The following WLS variants were observed in gnomAD, a reference collection of about 807,000 sequenced individuals.
WLS encodes the protein protein wntless homolog.
WLS carries 23 observed loss-of-function variants against 62.8 expected under a neutral mutation model. That is an observed-to-expected ratio of 0.37 (90% confidence interval 0.26 to 0.52). The LOEUF (loss-of-function observed/expected upper bound fraction) is 0.52. Ranked by LOEUF, WLS falls within the 20% of genes least tolerant of loss-of-function variation. The pLI is 0.92. For synonymous variants in WLS, 246 were observed against 244.1 expected, an observed-to-expected ratio of 1.01 and a Z score of -0.07; for missense variants, 615 against 697.3, an observed-to-expected ratio of 0.88 and a Z score of 1.33.
Position 68,148,177 on chromosome 1 carries a change from A to G in WLS, c.1093T>C (p.Phe365Leu). Reference sequence around the variant, plus strand: ...ATGTCTGTAGTCCAGATACTGTAGAAGGGATTCGTGAGTTGTACCCCTCTA... The same window carrying G: ...ATGTCTGTAGTCCAGATACTGTAGAGGGGATTCGTGAGTTGTACCCCTCTA... Reference protein sequence around the residue: ...CERGVQLTNPFYSIWTTDIGT... With the variant: ...CERGVQLTNPLYSIWTTDIGT... The change falls in exon 8 of 12, where the codon TTC becomes CTC. Residue 365 changes from phenylalanine (F) to leucine (L), a missense_variant. By Grantham distance (22) the Phe-to-Leu change is conservative. Coordinates refer to ENST00000262348, the MANE Select transcript of WLS (RefSeq NM_024911.7). The G allele has an allele frequency of 6.2e-7, 1 of 1,614,202 alleles. No individual in the cohort carries two copies. The highest frequency in any genetic ancestry group is 8.5e-7 in the Non-Finnish European group (1 of 1,180,030).
intron 2 of WLS, among the ~76,000 whole-genome samples, chr1:68,191,361 T>C (rs1395717708): frequency 6.6e-6 from 1 of 152,136 alleles, no homozygotes; most frequent in Non-Finnish European, 1.5e-5. Flanking sequence ...TCTCCTTTGC[T>C]TGAATGCATT....
At chr1:68,109,198 TAGAG>T (rs3053517) in intron 11 of WLS, among the ~76,000 whole-genome samples, 68,430 of 151,700 alleles carry the variant, frequency 0.45, 15,675 homozygotes, top group Middle Eastern at 0.52. Flanking sequence ...GCTAACAAGA[TAGAG>T]AGATTAAGCC....
intron 1 of WLS, among the ~76,000 whole-genome samples, chr1:68,217,589 G>T (rs1025352004): frequency 6.6e-6 from 1 of 152,196 alleles, no homozygotes; most frequent in Non-Finnish European, 1.5e-5. Flanking sequence ...ACTGACTGAA[G>T]AATTCTGCAG....
At chr1:68,165,811 G>T (rs555114207) in intron 2 of WLS, among the ~76,000 whole-genome samples, 1 of 152,170 alleles carries the variant, frequency 6.6e-6, no homozygotes, top group Non-Finnish European at 1.5e-5. Flanking sequence ...CATCATCAGA[G>T]GATGCAACGT....
At position 68,194,092 on chromosome 1, in the gene WLS, A is replaced by C. The variant is rs1648522671; in HGVS notation, c.242T>G (p.Ile81Ser). ...GTCATTGGCTTCAATTTCCCTTGGA[A>C]TTGCCTCTTCAATGTCTCGGATCTT... Reference protein sequence around the residue: ...CDKIRDIEEAIPREIEANDIV... With the variant: ...CDKIRDIEEASPREIEANDIV... Residue 81 changes from isoleucine (I) to serine (S), a missense_variant, in exon 2 of 12, where the codon ATT becomes AGT. Ile to Ser is a moderately radical substitution (Grantham distance 142). Transcript: ENST00000262348. 1 of 1,614,156 alleles carries C rather than the reference A, an allele frequency of 6.2e-7. No homozygotes were observed. The highest frequency in any genetic ancestry group is 8.5e-7 in the Non-Finnish European group (1 of 1,180,024).
chr1:68,124,027 ATCTC>A (rs774327073), downstream of WLS, among the ~76,000 whole-genome samples: 2 of 152,076 alleles, frequency 1.3e-5, no homozygotes, highest in Admixed American at 1.3e-4. Context: ...TCATCCAAGA[ATCTC>A]TCTCTCTGTC....
chr1:68,163,107 C>CAA, intron 2 of WLS: 1 of 1,530,002 alleles, frequency 6.5e-7, no homozygotes. Flanking sequence ...TGGAACTTTG[C>CAA]AACTCTCAGA....
chr1:68,099,050 C>T (rs1013264729), intron 11 of WLS, among the ~76,000 whole-genome samples: 7 of 152,138 alleles, frequency 4.6e-5, no homozygotes, highest in East Asian at 1.9e-4. Context: ...TTGTTGAGAA[C>T]GTGTATCTAG....
At chr1:68,196,798 G>A (rs981676624) in intron 1 of WLS, among the ~76,000 whole-genome samples, 15 of 151,998 alleles carry the variant, frequency 9.9e-5, no homozygotes, top group Non-Finnish European at 2.2e-4. Flanking sequence ...ACTGTATCAC[G>A]AAGACCTCAC....
At chr1:68,117,107 C>T (rs1404919138) in intron 11 of WLS, among the ~76,000 whole-genome samples, 2 of 152,070 alleles carry the variant, frequency 1.3e-5, no homozygotes, top group Non-Finnish European at 2.9e-5. Flanking sequence ...GCTTTTCCTC[C>T]TTTCTCCGTT....
intron 2 of WLS, among the ~76,000 whole-genome samples, chr1:68,163,497 G>A (rs1647016100): frequency 6.6e-6 from 1 of 151,010 alleles, no homozygotes; most frequent in South Asian, 2.1e-4. Flanking sequence ...GGCCGCTCCC[G>A]AGCCACCTTA....
At position 68,148,548 on chromosome 1, in the gene WLS, C is replaced by T. The variant is rs748203641; in HGVS notation, c.1070+15G>A. 2.5e-6 allele frequency: 4 copies of T among 1,613,280 alleles called. No individual in the cohort carries two copies. Among genetic ancestry groups the T allele is most frequent in the Non-Finnish European group, 3.4e-6 (4 of 1,179,596 alleles). On this transcript the variant is annotated intron_variant, in intron 7 of 11. Transcript: ENST00000262348. ...ATGCACAGTTTGGCTCAGTGTCCCA[C>T]AAACACTTGCTCACCTCTCACACAT...
intron 2 of WLS, chr1:68,161,988 C>T (rs1646982871): frequency 6.2e-7 from 1 of 1,604,846 alleles, no homozygotes; most frequent in African/African-American, 1.3e-5. Flanking sequence ...CTATTACTGA[C>T]CAAGGCGCTG....
chr1:68,140,291 A>C (rs1646667492), intron 10 of WLS, among the ~76,000 whole-genome samples: 1 of 152,216 alleles, frequency 6.6e-6, no homozygotes, highest in African/African-American at 2.4e-5. Flanking sequence ...TAGGAATGCT[A>C]TCTTAAACAG....
intron 11 of WLS, among the ~76,000 whole-genome samples, chr1:68,111,037 TCAA>T (rs1375338105): frequency 1.3e-5 from 2 of 152,144 alleles, no homozygotes; most frequent in African/African-American, 4.8e-5. Context: ...CATTGGTAAA[TCAA>T]CTACACAAAT....
intron 2 of WLS, among the ~76,000 whole-genome samples, chr1:68,178,641 G>A (rs1647367917): frequency 6.6e-6 from 1 of 151,080 alleles, no homozygotes; most frequent in Non-Finnish European, 1.5e-5. Flanking sequence ...AGGAGGGGGA[G>A]GTTGCGGTGA....
At chr1:68,120,632 T>C (rs138010570), downstream of WLS, among the ~76,000 whole-genome samples, 33 of 152,300 alleles carry the variant, frequency 2.2e-4, no homozygotes, top group African/African-American at 7.5e-4. Context: ...GAAGGTGGTA[T>C]TGGGGAGTGA....
chr1:68,188,263 G>A (rs996314590), intron 2 of WLS, among the ~76,000 whole-genome samples: 5 of 152,192 alleles, frequency 3.3e-5, no homozygotes, highest in Non-Finnish European at 7.3e-5. Context: ...TACATATACT[G>A]AAATGTTAAA....
chr1:68,200,672 AC>A (rs1297798556), intron 1 of WLS, among the ~76,000 whole-genome samples: 1 of 151,998 alleles, frequency 6.6e-6, no homozygotes. Flanking sequence ...AGCTCCCAAA[AC>A]TTTTACCTGA....
Sources: allele counts gnomAD v4.1 joint callset (sites outside exome capture counted in the v4.1 genomes callset), GRCh38; gene constraint gnomAD v4.1.1; transcripts MANE v1.5; gene names NCBI Gene and HGNC (gene_info 2026-07-23, HGNC 2026-07-21).